The following PSMA2 variants were observed in gnomAD, a reference collection of about 807,000 sequenced individuals.
The protein encoded by PSMA2 is proteasome 20S subunit alpha 2, also known as proteasome subunit alpha type-2.
PSMA2 carries 2 observed loss-of-function variants against 35.9 expected under a neutral mutation model. The ratio of observed to expected loss-of-function variants is 0.06; its 90% CI spans 0.02 to 0.18. The LOEUF (loss-of-function observed/expected upper bound fraction) is 0.18, where lower values mean the gene tolerates loss of function less well. PSMA2 is among the 10% of genes least tolerant of loss of function. The probability of loss-of-function intolerance (pLI) is 1.00; values close to 1 mark genes in which losing one functional copy is unlikely to be tolerated. For synonymous variants in PSMA2, 97 were observed against 98.2 expected (o/e 0.99, Z 0.07); for missense variants, 126 against 278.8 (o/e 0.45, Z 3.90).
intron 3 of PSMA2, 39 bp from the exon 4 acceptor site, chr7:42,924,836 G>A: frequency 6.3e-7 from 1 of 1,577,006 alleles, no homozygotes; most frequent in Non-Finnish European, 8.6e-7. Context: ...CACAGAACAT[G>A]CTCTACTACC....
intron 3 of PSMA2, 104 bp downstream of exon 3, chr7:42,926,429 AGAG>A (rs1786218355): frequency 7.6e-7 from 1 of 1,319,934 alleles, no homozygotes; most frequent in African/African-American, 1.5e-5. Context: ...ACACAAAAAA[AGAG>A]GAACTGGAAG....
chr7:42,919,812 G>A (rs1253203538), intron 6 of PSMA2: 1 of 701,466 alleles, frequency 1.4e-6, no homozygotes, highest in Non-Finnish European at 2.7e-6. Context: ...TAGTGGAGAA[G>A]AATTAGAATC....
intron 5 of PSMA2, among the ~76,000 whole-genome samples, chr7:42,922,889 A>G (rs1022201055): frequency 6.6e-6 from 1 of 152,200 alleles, no homozygotes; most frequent in Admixed American, 6.5e-5. Flanking sequence ...CAAGGTACCA[A>G]TTACACAATC....
At chr7:42,929,333 A>C (rs1786259378) in intron 1 of PSMA2, among the ~76,000 whole-genome samples, 1 of 152,192 alleles carries the variant, frequency 6.6e-6, no homozygotes, top group East Asian at 1.9e-4. Context: ...TCATATCATA[A>C]CTTTCTGGGT....
chr7:42,930,120 C>T (rs1786274444), intron 1 of PSMA2, among the ~76,000 whole-genome samples: 1 of 152,106 alleles, frequency 6.6e-6, no homozygotes, highest in South Asian at 2.1e-4. Flanking sequence ...TCTCTAGTCC[C>T]TTCCACCATT....
At position 42,924,668 on chromosome 7, in the gene PSMA2, A is replaced by G. The variant is rs79709250; in HGVS notation, c.374+7T>C. On this transcript the variant is annotated splice_region_variant and intron_variant, in intron 4 of 7. Coordinates refer to ENST00000223321, the MANE Select transcript of PSMA2 (RefSeq NM_002787.5). ...ATGGCACATTTCAAGTAAAAAAAGC[A>G]ACTTACCCTGACTGAGTATATTCTT... 6.2e-7 allele frequency: 1 copy of G among 1,605,632 alleles called. No individual in the cohort carries two copies. Among genetic ancestry groups the G allele is most frequent in the Non-Finnish European group, 8.5e-7 (1 of 1,176,292 alleles).
At chr7:42,932,001 C>A in intron 1 of PSMA2, 117 bp downstream of exon 1, 1 of 1,351,230 alleles carries the variant, frequency 7.4e-7, no homozygotes. Context: ...ATTTCCAACT[C>A]CATTCCCTAC....
chr7:42,928,995 A>C (rs1410025375), intron 1 of PSMA2, among the ~76,000 whole-genome samples: 1 of 150,326 alleles, frequency 6.7e-6, no homozygotes, highest in Non-Finnish European at 1.5e-5. Context: ...TTTTTTTTTT[A>C]GTAACAGGGT....
intron 6 of PSMA2, chr7:42,920,737 T>C (rs1456287230): frequency 6.6e-6 from 1 of 152,232 alleles, no homozygotes; most frequent in Admixed American, 6.5e-5. Context: ...CTAAGATTTT[T>C]AATAACCTTA....
chr7:42,926,395 G>C, intron 3 of PSMA2, 141 bp downstream of exon 3: 1 of 953,738 alleles, frequency 1.0e-6, no homozygotes, highest in African/African-American at 1.7e-5. Context: ...AGCTCTCAAC[G>C]AGGCTGCTAT....
At chr7:42,922,550 GAAGAT>G (rs1786142348) in intron 5 of PSMA2, among the ~76,000 whole-genome samples, 1 of 152,146 alleles carries the variant, frequency 6.6e-6, no homozygotes, top group Non-Finnish European at 1.5e-5. Flanking sequence ...TTCTGGAAAG[GAAGAT>G]AAGAGGGCCT....
At chr7:42,932,094 A>T in intron 1 of PSMA2, 24 bp downstream of exon 1, 1 of 1,614,042 alleles carries the variant, frequency 6.2e-7, no homozygotes, top group Non-Finnish European at 8.5e-7. Context: ...ACTACGCTGA[A>T]GACCTCGAGG....
intron 1 of PSMA2, among the ~76,000 whole-genome samples, chr7:42,930,419 T>G (rs917338212): frequency 6.6e-6 from 1 of 151,970 alleles, no homozygotes; most frequent in African/African-American, 2.4e-5. Flanking sequence ...GCCTGGCTAA[T>G]TTTTTAATTT....
chr7:42,925,521 A>G (rs1304726925), intron 3 of PSMA2, among the ~76,000 whole-genome samples: 1 of 152,236 alleles, frequency 6.6e-6, no homozygotes, highest in Non-Finnish European at 1.5e-5. Flanking sequence ...AACTGGGCAT[A>G]AGGCTTTAGT....
In PSMA2 at chr7:42,921,940, G is replaced by A; in HGVS notation, c.457-9C>T. ...CAGGCAAAGTAAGCTCCCTAATCAG[G>A]AAAGAAAGAGTAAAAAACCATATTT... On this transcript the variant is annotated splice_polypyrimidine_tract_variant and intron_variant, in intron 5 of 7. Coordinates refer to ENST00000223321, the MANE Select transcript of PSMA2 (RefSeq NM_002787.5). 6.2e-7 allele frequency: 1 copy of A among 1,602,826 alleles called. No individual in the cohort carries two copies. Among genetic ancestry groups the A allele is most frequent in the East Asian group, 2.2e-5 (1 of 44,678 alleles).
Position 42,932,144 on chromosome 7 carries a change from C to A in PSMA2, c.15G>T (p.Gly5=). 6.2e-7 allele frequency: 1 copy of A among 1,614,172 alleles called. No individual in the cohort carries two copies. Among genetic ancestry groups the A allele is most frequent in the Non-Finnish European group, 8.5e-7 (1 of 1,180,052 alleles). The part of the protein sequence containing the change: MAER[G]YSFSLTTFSP... ...TGAATGTAGTCAGCGAAAAGCTGTA[C>A]CCGCGCTCCGCCATCTTTACCCGAA... The change falls in exon 1 of 8, where the codon GGG becomes GGT. Residue 5 remains glycine (G), a synonymous_variant. Coordinates refer to ENST00000223321, the MANE Select transcript of PSMA2 (RefSeq NM_002787.5).
At chr7:42,917,990 A>G (rs1161184612) in intron 6 of PSMA2, 155 bp from the exon 7 acceptor site, 3 of 524,400 alleles carry the variant, frequency 5.7e-6, no homozygotes, top group East Asian at 6.2e-5. Flanking sequence ...AGCTGTCTCC[A>G]GATTAAAAAA....
intron 3 of PSMA2, among the ~76,000 whole-genome samples, chr7:42,925,586 T>TG (rs1786199545): frequency 6.6e-6 from 1 of 152,248 alleles, no homozygotes; most frequent in Non-Finnish European, 1.5e-5. Flanking sequence ...ACCCTGTCTC[T>TG]TAAAATTTTT....
At chr7:42,926,304 A>C (rs752793025) in intron 3 of PSMA2, among the ~76,000 whole-genome samples, 6 of 152,250 alleles carry the variant, frequency 3.9e-5, no homozygotes, top group Admixed American at 6.5e-5. Context: ...CAGAGAAAAG[A>C]GGAGTTATGT....
Sources: allele counts gnomAD v4.1 joint callset (sites outside exome capture counted in the v4.1 genomes callset), GRCh38; gene constraint gnomAD v4.1.1; transcripts MANE v1.5; gene names NCBI Gene and HGNC (gene_info 2026-07-23, HGNC 2026-07-21).